The following AFAP1L2 variants were observed in gnomAD, a reference collection of about 807,000 sequenced individuals.
AFAP1L2 encodes actin filament associated protein 1 like 2.
AFAP1L2 carries 46 observed loss-of-function variants against 99.3 expected under a neutral mutation model. The ratio of observed to expected loss-of-function variants is 0.46; its 90% CI spans 0.37 to 0.59. The LOEUF (loss-of-function observed/expected upper bound fraction) is 0.59, where lower values mean the gene tolerates loss of function less well. Ranked by LOEUF, AFAP1L2 falls within the 20% of genes least tolerant of loss-of-function variation. AFAP1L2 has a pLI of 0.00. For missense variants in AFAP1L2, 959 were observed against 1,034.9 expected (o/e 0.93, Z 1.01); for synonymous variants, 397 against 419.1 (o/e 0.95, Z 0.64).
At chr10:114,343,372 C>T (rs956184821) in intron 1 of AFAP1L2, among the ~76,000 whole-genome samples, 2 of 152,312 alleles carry the variant, frequency 1.3e-5, no homozygotes, top group Middle Eastern at 3.4e-3. Context: ...ATGAGCTCCC[C>T]GTCTGCATGG....
In AFAP1L2 at chr10:114,300,603, T is replaced by A. The variant is rs2040981044; in HGVS notation, c.1630A>T (p.Lys544Ter). The A allele has an allele frequency of 6.2e-7, 1 of 1,614,020 alleles. No homozygotes were observed. The highest frequency in any genetic ancestry group is 1.1e-5 in the South Asian group (1 of 91,084). ...DRVYLDLTPV[K>*]SFLHGPSSAQ... ...CTGCTGGGGCCATGCAGAAAGGACT[T>A]GACAGGTGTGAGGTCCAGGTACACT... is the stretch of plus-strand genomic sequence containing the variant. Residue 544 changes from lysine to a stop codon, truncating the protein, a stop_gained, in exon 14 of 19, where the codon AAG becomes TAG. Transcript: ENST00000304129. LOFTEE classifies it high-confidence loss of function.
rs115146124 is a variant in AFAP1L2 at position 114,300,167 on chromosome 10, C to T, written c.1957+27G>A. 420 of 1,613,932 alleles carry T rather than the reference C, an allele frequency of 2.6e-4. No homozygotes were observed. In the African/African-American group the frequency reaches 3.8e-3, roughly 15 times the overall value. On this transcript the variant is annotated intron_variant, in intron 15 of 18. Coordinates refer to ENST00000304129, the MANE Select transcript of AFAP1L2 (RefSeq NM_001001936.3). ...GAACCCTGACTAATACAGATGGAATCGGGCTAACTTCCCCAAGCACAAGTA... is the reference window on the plus strand; with the variant it reads ...GAACCCTGACTAATACAGATGGAATTGGGCTAACTTCCCCAAGCACAAGTA...
Position 114,329,276 on chromosome 10 carries a change from A to G in AFAP1L2, c.315+2527T>C, listed in dbSNP as rs115503920. Reference sequence around the variant, plus strand: ...AGGCACAGGGCACTGGCTGAGGAACAGAAGCCAGCATTGGAATCCCAGGGC... The same window carrying G: ...AGGCACAGGGCACTGGCTGAGGAACGGAAGCCAGCATTGGAATCCCAGGGC... On this transcript the variant is annotated intron_variant, in intron 4 of 18. Transcript: ENST00000304129. 1.5e-3 allele frequency among the ~76,000 whole-genome samples: 229 copies of G among 152,336 alleles called. 1 individual carries two copies. The highest frequency in any genetic ancestry group is 5.3e-3 in the African/African-American group (221 of 41,580).
chr10:114,374,329 C>T (rs2054523599), intron 1 of AFAP1L2, among the ~76,000 whole-genome samples: 2 of 152,198 alleles, frequency 1.3e-5, no homozygotes, highest in Non-Finnish European at 2.9e-5. Flanking sequence ...AAACTTTCTT[C>T]GTGAGACAAA....
At chr10:114,364,557 T>C (rs2136687825) in intron 1 of AFAP1L2, among the ~76,000 whole-genome samples, 1 of 152,300 alleles carries the variant, frequency 6.6e-6, no homozygotes, top group African/African-American at 2.4e-5. Flanking sequence ...AACTCTCTTC[T>C]TCTTATAAGG....
intron 10 of AFAP1L2, among the ~76,000 whole-genome samples, chr10:114,306,630 T>C (rs1272230291): frequency 6.6e-6 from 1 of 151,958 alleles, no homozygotes; most frequent in Non-Finnish European, 1.5e-5. Flanking sequence ...AGGACTGAGA[T>C]GACACACACA....
chr10:114,377,282 A>G lies in AFAP1L2; in HGVS notation c.16+27158T>C, dbSNP rs866672072. 3.0e-4 allele frequency among the ~76,000 whole-genome samples: 45 copies of G among 152,254 alleles called. No homozygotes were observed. Among genetic ancestry groups the G allele is most frequent in the Admixed American group, 5.9e-4 (9 of 15,286 alleles). On this transcript the variant is annotated intron_variant, in intron 1 of 18. Coordinates refer to ENST00000304129, the MANE Select transcript of AFAP1L2 (RefSeq NM_001001936.3). This position sits in a 1 kb window ranked among gnomAD's most constrained non-coding sequence, Gnocchi z 4.0. ...TACCAGAGTATCTGGAAAGCCTAGT[A>G]GAAATATTCTGCCTTAAAACCCTTC... is the stretch of plus-strand genomic sequence containing the variant.
At chr10:114,404,562 C>G, upstream of AFAP1L2, 1 of 1,373,656 alleles carries the variant, frequency 7.3e-7, no homozygotes, top group South Asian at 1.7e-5. Context: ...AGGTCACGCT[C>G]GCGGCCGGAC....
chr10:114,353,251 G>T (rs553149777), intron 1 of AFAP1L2, among the ~76,000 whole-genome samples: 1 of 152,162 alleles, frequency 6.6e-6, no homozygotes, highest in Non-Finnish European at 1.5e-5. Flanking sequence ...GAAACAGTCC[G>T]CCTGAGGAGG....
At chr10:114,296,393 A>T (rs2040237732) in intron 18 of AFAP1L2, 1 of 350,544 alleles carries the variant, frequency 2.9e-6, no homozygotes, top group Non-Finnish European at 5.2e-6. Flanking sequence ...GATAGGAATA[A>T]GGAGCAGAAT....
At chr10:114,323,133 G>A (rs2045641069) in intron 5 of AFAP1L2, 38 bp downstream of exon 5, 1 of 1,538,986 alleles carries the variant, frequency 6.5e-7, no homozygotes, top group East Asian at 2.4e-5. Flanking sequence ...GCAGGAAGCA[G>A]TAAGTCACCC....
intron 4 of AFAP1L2, 85 bp from the exon 5 acceptor site, chr10:114,323,346 G>T: frequency 8.0e-7 from 1 of 1,257,824 alleles, no homozygotes; most frequent in Non-Finnish European, 1.1e-6. Context: ...TGGAAGTCTA[G>T]AAGACAAAAA....
chr10:114,314,173 T>A, intron 6 of AFAP1L2, 123 bp from the exon 7 acceptor site: 2 of 950,244 alleles, frequency 2.1e-6, no homozygotes, highest in African/African-American at 1.6e-5. Context: ...CCAGCAAGAC[T>A]AAGAGGCTGG....
chr10:114,364,391 C>G (rs145966135), intron 1 of AFAP1L2, among the ~76,000 whole-genome samples: 1 of 152,322 alleles, frequency 6.6e-6, no homozygotes, highest in African/African-American at 2.4e-5. Flanking sequence ...CCCACTCCCT[C>G]TGGAGTCTCT....
chr10:114,333,571 A>G (rs909569874), intron 2 of AFAP1L2, among the ~76,000 whole-genome samples: 2 of 152,226 alleles, frequency 1.3e-5, no homozygotes, highest in Non-Finnish European at 2.9e-5. Flanking sequence ...AAAATCCTGC[A>G]CTTTGGGAGG....
At chr10:114,302,583 T>C (rs2041401653) in intron 11 of AFAP1L2, 99 bp from the exon 12 acceptor site, 3 of 1,489,574 alleles carry the variant, frequency 2.0e-6, no homozygotes, top group Non-Finnish European at 2.7e-6. Context: ...CCCCTGAGCC[T>C]GCCCACGAAA....
chr10:114,300,519 G>A lies in AFAP1L2; in HGVS notation c.1714C>T (p.Leu572Phe), dbSNP rs748642209. 6.2e-7 allele frequency: 1 copy of A among 1,614,178 alleles called. No homozygotes were observed. Residue 572 changes from leucine (L) to phenylalanine (F), a missense_variant, in exon 14 of 19, where the codon CTC becomes TTC. Transcript: ENST00000304129. ...GGACCTGGGCCTGAGTCTGCCGGGA[G>A]GGCCTCAGTTGCATTGTCCAGGCAG... Reference protein sequence around the residue: ...LSCLDNATEALPADSGPGPTP... With the variant: ...LSCLDNATEAFPADSGPGPTP...
intron 4 of AFAP1L2, among the ~76,000 whole-genome samples, chr10:114,326,407 C>T (rs559848665): frequency 2.0e-5 from 3 of 152,298 alleles, no homozygotes; most frequent in East Asian, 1.9e-4. Flanking sequence ...CGATAGCTTA[C>T]AGTATTTTAA....
intron 1 of AFAP1L2, among the ~76,000 whole-genome samples, chr10:114,360,753 C>T (rs1288789314): frequency 6.6e-6 from 1 of 152,170 alleles, no homozygotes; most frequent in Non-Finnish European, 1.5e-5. Context: ...CCTAAAACTT[C>T]CTAGGTACTT....
Sources: gnomAD v4.1 joint callset for allele counts (sites outside exome capture counted in the v4.1 genomes callset) on GRCh38, gnomAD v4.1.1 for gene constraint, Gnocchi (gnomAD v3.1) non-coding constraint, MANE v1.5 for transcripts, NCBI Gene and HGNC (gene_info 2026-07-23, HGNC 2026-07-21) for gene names.